Variants in CCSER1 observed in about 807,000 individuals in gnomAD.
The protein encoded by CCSER1 is coiled-coil serine rich protein 1.
A neutral mutation model predicts 82.0 loss-of-function variants in CCSER1; 41 were observed. The observed-to-expected ratio is 0.50, with a 90% CI of 0.39 to 0.65. The LOEUF is 0.65. CCSER1 is among the 30% of genes least tolerant of loss of function. The probability of loss-of-function intolerance (pLI) is 0.00; values close to 1 mark genes in which losing one functional copy is unlikely to be tolerated. For missense variants in CCSER1, 1,119 were observed against 1,064.2 expected, an observed-to-expected ratio of 1.05 and a Z score of -0.72; for synonymous variants, 414 against 383.9, an observed-to-expected ratio of 1.08 and a Z score of -0.92.
intron 1 of CCSER1, among the ~76,000 whole-genome samples, chr4:90,180,588 C>CA (rs993191641): frequency 1.3e-3 from 187 of 142,784 alleles, no homozygotes; most frequent in Admixed American, 4.3e-3. Context: ...GACTCTGTCT[C>CA]AAAAAAAAAA....
chr4:91,544,189 A>G (rs566702075), intron 10 of CCSER1, among the ~76,000 whole-genome samples: 1 of 152,114 alleles, frequency 6.6e-6, no homozygotes, highest in Non-Finnish European at 1.5e-5. Flanking sequence ...TGTTTATTCT[A>G]GTTAGCCATT....
intron 3 of CCSER1, among the ~76,000 whole-genome samples, chr4:90,354,231 A>T (rs1231521181): frequency 1.3e-5 from 2 of 152,198 alleles, no homozygotes; most frequent in Admixed American, 6.5e-5. Context: ...TTATTTGTGG[A>T]ATATAAAAAA....
At chr4:90,449,554 G>A (rs899081034) in intron 4 of CCSER1, among the ~76,000 whole-genome samples, 13 of 152,144 alleles carry the variant, frequency 8.5e-5, no homozygotes, top group Non-Finnish European at 1.9e-4. Flanking sequence ...CTGCAGGCTC[G>A]TGTGAGCTGC....
intron 9 of CCSER1, among the ~76,000 whole-genome samples, chr4:90,957,245 G>GCCCC (rs35837427): frequency 5.6e-5 from 8 of 141,900 alleles, no homozygotes; most frequent in African/African-American, 1.8e-4. Flanking sequence ...GGGATTACAG[G>GCCCC]CCCCCCCCAC....
At chr4:90,960,432 T>C (rs1733947183) in intron 9 of CCSER1, among the ~76,000 whole-genome samples, 1 of 152,160 alleles carries the variant, frequency 6.6e-6, no homozygotes, top group Non-Finnish European at 1.5e-5. Context: ...TACTCATTGC[T>C]CCTATTTATT....
At chr4:90,423,709 T>C (rs1757068195) in intron 4 of CCSER1, among the ~76,000 whole-genome samples, 1 of 152,072 alleles carries the variant, frequency 6.6e-6, no homozygotes, top group Non-Finnish European at 1.5e-5. Flanking sequence ...ACTCCTAACC[T>C]CAGGTGATCC....
chr4:90,536,836 C>A (rs982213813), intron 5 of CCSER1, among the ~76,000 whole-genome samples: 1 of 152,108 alleles, frequency 6.6e-6, no homozygotes, highest in African/African-American at 2.4e-5. Context: ...TTGAATGAAA[C>A]TCATTTGAGG....
At chr4:91,057,470 A>G (rs926663099) in intron 9 of CCSER1, among the ~76,000 whole-genome samples, 6 of 152,148 alleles carry the variant, frequency 3.9e-5, no homozygotes. Flanking sequence ...AGCATGAGAG[A>G]AACAGTAAGG....
chr4:90,750,062 A>T (rs149883783), intron 7 of CCSER1, among the ~76,000 whole-genome samples: 2 of 151,788 alleles, frequency 1.3e-5, no homozygotes, highest in Non-Finnish European at 2.9e-5. Context: ...GCATTTTTTC[A>T]TGTGTTTTTT....
intron 10 of CCSER1, among the ~76,000 whole-genome samples, chr4:91,149,339 C>G (rs889513032): frequency 2.0e-5 from 3 of 151,694 alleles, no homozygotes; most frequent in African/African-American, 4.8e-5. Context: ...GATTTTTTCT[C>G]ATAAATTTGT....
At chr4:90,910,400 A>T (rs935148772) in intron 8 of CCSER1, among the ~76,000 whole-genome samples, 10 of 152,210 alleles carry the variant, frequency 6.6e-5, no homozygotes, top group African/African-American at 2.4e-4. Context: ...AATGATTTCA[A>T]TCTCTAAATA....
chr4:91,585,930 A>G (rs1763969033), intron 10 of CCSER1, among the ~76,000 whole-genome samples: 1 of 151,742 alleles, frequency 6.6e-6, no homozygotes, highest in African/African-American at 2.4e-5. Context: ...TGGCATGATT[A>G]AATTTGCATT....
chr4:90,153,708 C>A (rs1727382842), intron 1 of CCSER1, among the ~76,000 whole-genome samples: 1 of 152,130 alleles, frequency 6.6e-6, no homozygotes, highest in Admixed American at 6.5e-5. Context: ...CTGTTCATAT[C>A]CTTCACCCAC....
intron 1 of CCSER1, among the ~76,000 whole-genome samples, chr4:90,198,871 T>C (rs966914677): frequency 6.6e-6 from 1 of 152,210 alleles, no homozygotes; most frequent in Non-Finnish European, 1.5e-5. Flanking sequence ...TTTTGAAACT[T>C]TTTAGATTAT....
At chr4:90,574,034 T>TA (rs1465898980) in intron 5 of CCSER1, among the ~76,000 whole-genome samples, 1 of 151,858 alleles carries the variant, frequency 6.6e-6, no homozygotes, top group African/African-American at 2.4e-5. Context: ...TTTTTTTAAT[T>TA]AAAAAAATAC....
At chr4:91,168,923 C>T (rs1413621914) in intron 10 of CCSER1, among the ~76,000 whole-genome samples, 5 of 152,064 alleles carry the variant, frequency 3.3e-5, no homozygotes, top group East Asian at 1.9e-4. Flanking sequence ...CTCTCTGAAA[C>T]GTGCTGTGTC....
At chr4:91,461,127 A>T (rs181948515) in intron 10 of CCSER1, among the ~76,000 whole-genome samples, 1 of 152,326 alleles carries the variant, frequency 6.6e-6, no homozygotes, top group East Asian at 1.9e-4. Context: ...ACTTGCTCAT[A>T]GCCCAGGATC....
At chr4:90,866,405 C>A (rs1047842123) in intron 8 of CCSER1, among the ~76,000 whole-genome samples, 1 of 152,016 alleles carries the variant, frequency 6.6e-6, no homozygotes, top group Non-Finnish European at 1.5e-5. Flanking sequence ...AACAGAATGT[C>A]TGCTAGTGAA....
At chr4:90,231,345 A>C (rs200851826) in intron 1 of CCSER1, among the ~76,000 whole-genome samples, 25 of 152,084 alleles carry the variant, frequency 1.6e-4, no homozygotes, top group Non-Finnish European at 3.1e-4. Flanking sequence ...GTAATCCAGC[A>C]TATAAACAGA....
Sources: gnomAD v4.1 joint callset for allele counts (sites outside exome capture counted in the v4.1 genomes callset) on GRCh38, gnomAD v4.1.1 for gene constraint, MANE v1.5 for transcripts, NCBI Gene and HGNC (gene_info 2026-07-23, HGNC 2026-07-21) for gene names.